The following RNF150 variants were observed in gnomAD, a reference collection of about 807,000 sequenced individuals.
RNF150 encodes ring finger protein 150.
RNF150 carries 24 observed loss-of-function variants against 39.3 expected under a neutral mutation model. The ratio of observed to expected loss-of-function variants is 0.61; its 90% CI spans 0.44 to 0.86. The LOEUF (loss-of-function observed/expected upper bound fraction) is 0.86, where lower values mean the gene tolerates loss of function less well. Among genes scored for constraint, RNF150 ranks in the 40% least tolerant of loss-of-function variants. The probability of loss-of-function intolerance (pLI) is 0.00; values close to 1 mark genes in which losing one functional copy is unlikely to be tolerated. For missense variants in RNF150, 502 were observed against 587.8 expected (o/e 0.85, Z 1.51); for synonymous variants, 255 against 227.3 (o/e 1.12, Z -1.10).
chr4:141,204,695 T>C (rs1431641506), intron 1 of RNF150, among the ~76,000 whole-genome samples: 1 of 152,188 alleles, frequency 6.6e-6, no homozygotes, highest in Non-Finnish European at 1.5e-5. Flanking sequence ...CCAAATAAGA[T>C]AGCTAAGATA....
At chr4:140,913,208 C>T (rs1308902468) in intron 5 of RNF150, among the ~76,000 whole-genome samples, 1 of 152,146 alleles carries the variant, frequency 6.6e-6, no homozygotes, top group Non-Finnish European at 1.5e-5. Flanking sequence ...TTGCAGTGAG[C>T]CAAGATTGTC....
intron 1 of RNF150, among the ~76,000 whole-genome samples, chr4:140,998,569 C>T (rs1004976313): frequency 6.6e-6 from 1 of 152,212 alleles, no homozygotes; most frequent in Non-Finnish European, 1.5e-5. Context: ...AATACCATTA[C>T]CATCAAGGAC....
chr4:140,999,001 GGCTGCTGCTGCTGCT>G (rs58641225), intron 1 of RNF150, among the ~76,000 whole-genome samples: 11,538 of 152,096 alleles, frequency 0.076, 495 homozygotes, highest in Middle Eastern at 0.16. Context: ...TCACGAAGCA[GGCTGCTGCTGCTGCT>G]GCTGCTGACA....
intron 1 of RNF150, among the ~76,000 whole-genome samples, chr4:141,091,868 C>T (rs976629479): frequency 3.3e-5 from 5 of 152,122 alleles, no homozygotes; most frequent in African/African-American, 1.2e-4. Context: ...ATCACCACCA[C>T]GGGTTTCACT....
At chr4:140,905,519 C>CCAT (rs566810089) in intron 6 of RNF150, among the ~76,000 whole-genome samples, 88 of 152,176 alleles carry the variant, frequency 5.8e-4, no homozygotes, top group African/African-American at 1.9e-3. Context: ...ACCCCATCAC[C>CCAT]CATCTTGAGG....
intron 1 of RNF150, among the ~76,000 whole-genome samples, chr4:141,123,802 T>C (rs1177392225): frequency 6.6e-6 from 1 of 152,156 alleles, no homozygotes; most frequent in Non-Finnish European, 1.5e-5. Context: ...ACATGTGGTG[T>C]TTGGTTTTCT....
At chr4:140,978,497 T>A (rs1238843278) in intron 1 of RNF150, among the ~76,000 whole-genome samples, 2 of 152,192 alleles carry the variant, frequency 1.3e-5, no homozygotes, top group Non-Finnish European at 2.9e-5. Flanking sequence ...ACATTCCTAT[T>A]CTACAAGTGT....
intron 6 of RNF150, among the ~76,000 whole-genome samples, chr4:140,887,549 G>A (rs1173356789): frequency 2.0e-5 from 3 of 152,084 alleles, no homozygotes; most frequent in Non-Finnish European, 4.4e-5. Context: ...TATTTCTTCA[G>A]TGTTGTTGGA....
chr4:141,011,851 G>A (rs1560687251), intron 1 of RNF150, among the ~76,000 whole-genome samples: 1 of 152,128 alleles, frequency 6.6e-6, no homozygotes, highest in African/African-American at 2.4e-5. Context: ...CTGTATTTAC[G>A]ATATATAAAA....
chr4:141,039,363 A>AAGGAGGTAGAGAAAGAAAGGGGAGGG (rs1301389436), intron 1 of RNF150, among the ~76,000 whole-genome samples: 130 of 150,710 alleles, frequency 8.6e-4, no homozygotes, highest in Middle Eastern at 3.4e-3. Flanking sequence ...AAAGGGGAGG[A>AAGGAGGTAGAGAAAGAAAGGGGAGGG]AGGAGGTAGA....
chr4:141,099,792 T>C (rs934030829), intron 1 of RNF150, among the ~76,000 whole-genome samples: 3 of 146,248 alleles, frequency 2.1e-5, no homozygotes, highest in African/African-American at 7.5e-5. Flanking sequence ...GTTATATATA[T>C]AAAAAAAAAA....
chr4:141,057,960 A>T (rs1277838336), intron 1 of RNF150, among the ~76,000 whole-genome samples: 1 of 152,192 alleles, frequency 6.6e-6, no homozygotes, highest in Admixed American at 6.5e-5. Flanking sequence ...AATAAAATTA[A>T]AATAATAAGC....
Position 141,132,714 on chromosome 4 carries a change from G to A in RNF150, c.95C>T (p.Thr32Ile). ...CFVHLLCLDFTVAEKEEWYTA... is the reference protein window; with the variant it reads ...CFVHLLCLDFIVAEKEEWYTA... Reference sequence around the variant, plus strand: ...GTACCATTCCTCCTTCTCGGCCACGGTAAAGTCCAGGCAGAGCAGATGCAC... The same window carrying A: ...GTACCATTCCTCCTTCTCGGCCACGATAAAGTCCAGGCAGAGCAGATGCAC... The change falls in exon 1 of 7, where the codon ACC becomes ATC. Residue 32 changes from threonine to isoleucine, a missense_variant. Transcript: ENST00000515673. This position sits in a 1 kb window ranked among gnomAD's most constrained non-coding sequence, Gnocchi z 4.9. 1 of 1,609,974 alleles carries A rather than the reference G, an allele frequency of 6.2e-7. No homozygotes were observed. Among genetic ancestry groups the A allele is most frequent in the Non-Finnish European group, 8.5e-7 (1 of 1,178,456 alleles).
chr4:141,204,485 T>C (rs1728342378), intron 1 of RNF150, among the ~76,000 whole-genome samples: 1 of 152,216 alleles, frequency 6.6e-6, no homozygotes. Context: ...CTAGTACTTA[T>C]TATATAGTAG....
chr4:141,185,542 C>T (rs1727992462), intron 1 of RNF150, among the ~76,000 whole-genome samples: 2 of 152,102 alleles, frequency 1.3e-5, no homozygotes, highest in Admixed American at 6.5e-5. Context: ...GCCTCATTGT[C>T]CTGGTCCAAA....
intron 1 of RNF150, among the ~76,000 whole-genome samples, chr4:141,123,675 A>G (rs1360494293): frequency 6.6e-6 from 1 of 152,148 alleles, no homozygotes; most frequent in Non-Finnish European, 1.5e-5. Context: ...TACATTAGGT[A>G]TATCTCCTAA....
intron 1 of RNF150, among the ~76,000 whole-genome samples, chr4:141,004,070 T>C (rs1236712780): frequency 1.3e-5 from 2 of 152,144 alleles, no homozygotes; most frequent in Non-Finnish European, 1.5e-5. Context: ...TCTATACTGG[T>C]TTCAGTTCAC....
At chr4:141,086,814 G>T (rs1401689932) in intron 1 of RNF150, among the ~76,000 whole-genome samples, 2 of 151,662 alleles carry the variant, frequency 1.3e-5, no homozygotes, top group Non-Finnish European at 2.9e-5. Context: ...ACACTTCCTT[G>T]TTACAATAAT....
chr4:141,116,367 C>T (rs574233244), intron 1 of RNF150, among the ~76,000 whole-genome samples: 20 of 152,174 alleles, frequency 1.3e-4, no homozygotes, highest in East Asian at 9.7e-4. Context: ...GACATTTATG[C>T]GGCCAACAAA....
Sources: gnomAD v4.1 joint callset for allele counts (sites outside exome capture counted in the v4.1 genomes callset) on GRCh38, gnomAD v4.1.1 for gene constraint, Gnocchi (gnomAD v3.1) non-coding constraint, MANE v1.5 for transcripts, NCBI Gene and HGNC (gene_info 2026-07-23, HGNC 2026-07-21) for gene names.